LTA4H: variants seen among roughly 807,000 people sequenced by gnomAD.
LTA4H encodes the protein leukotriene A-4 hydrolase.
In LTA4H, 59 loss-of-function variants were observed where a neutral mutation model predicts 89.8. The observed-to-expected ratio is 0.66, with a 90% CI of 0.53 to 0.82. The LOEUF (loss-of-function observed/expected upper bound fraction) is 0.82. Ranked by LOEUF, LTA4H falls within the 40% of genes least tolerant of loss-of-function variation. The probability of loss-of-function intolerance (pLI) is 0.00; values close to 1 mark genes in which losing one functional copy is unlikely to be tolerated. For missense variants in LTA4H, 617 were observed against 727.0 expected (o/e 0.85, Z 1.74); for synonymous variants, 227 against 253.1 (o/e 0.90, Z 0.98).
intron 1 of LTA4H, among the ~76,000 whole-genome samples, chr12:96,032,388 T>G (rs1366459247): frequency 6.6e-6 from 1 of 152,198 alleles, no homozygotes; most frequent in Non-Finnish European, 1.5e-5. Context: ...GGCACTATTA[T>G]CAATGTAGCC....
At chr12:96,035,599 G>A (rs17525495), upstream of LTA4H, 137,310 of 1,484,296 alleles carry the variant, frequency 0.093, 8,502 homozygotes, top group East Asian at 0.29. Context: ...ACCTGAGGAG[G>A]AGGGAGAGAG....
chr12:96,034,052 G>A (rs1950606358), intron 1 of LTA4H, among the ~76,000 whole-genome samples: 1 of 152,186 alleles, frequency 6.6e-6, no homozygotes, highest in African/African-American at 2.4e-5. Context: ...GGGATGAAGA[G>A]TAAGAAAGTA....
intron 5 of LTA4H, among the ~76,000 whole-genome samples, chr12:96,021,765 G>GT (rs990450495): frequency 6.6e-6 from 1 of 152,042 alleles, no homozygotes; most frequent in African/African-American, 2.4e-5. Flanking sequence ...GACCAGGACT[G>GT]TAACTGAGTG....
At position 96,003,857 on chromosome 12, in the gene LTA4H, T is replaced by G. The variant is rs1295574907; in HGVS notation, c.1594A>C (p.Asn532His). Residue 532 changes from asparagine to histidine, a missense_variant, in exon 17 of 19, where the codon AAT becomes CAT. This residue lies in a region of LTA4H where 290 missense variants were observed against 339.1 expected (regional missense o/e 0.86). Coordinates refer to ENST00000228740, the MANE Select transcript of LTA4H (RefSeq NM_000895.3). ...ATGTACCTGAATCGTATTTCAGAAT[T>G]GTTAATGGCATTGAAGTTGTACACC... is the stretch of plus-strand genomic sequence containing the variant. ...QEVYNFNAINNSEIRFRWLRL... is the reference protein window; with the variant it reads ...QEVYNFNAINHSEIRFRWLRL... The G allele has an allele frequency of 6.8e-6, 11 of 1,609,542 alleles. No individual in the cohort carries two copies. The highest frequency in any genetic ancestry group is 9.3e-6 in the Non-Finnish European group (11 of 1,177,594).
rs1445913223 is a variant in LTA4H at position 96,024,539 on chromosome 12, G to A, written c.420C>T (p.His140=). ...PYLFSQCQAI[H]CRAILPCQDT... is the part of the protein sequence containing the mutation. ...CCTGACAAGGAAGGATTGCTCTGCA[G>A]TGGATGGCCTGAAAAAGGGAGAAAC... Residue 140 remains histidine, a synonymous_variant, in exon 4 of 19, where the codon CAC becomes CAT. Transcript: ENST00000228740. 1.9e-6 allele frequency: 3 copies of A among 1,609,212 alleles called. No homozygotes were observed. The highest frequency in any genetic ancestry group is 8.5e-7 in the Non-Finnish European group (1 of 1,175,814).
chr12:96,002,865 T>TA (rs1471984282), intron 18 of LTA4H, 95 bp downstream of exon 18: 14 of 796,494 alleles, frequency 1.8e-5, no homozygotes, highest in Non-Finnish European at 2.6e-5. Flanking sequence ...TTTAACAAAT[T>TA]AAAAAATATT....
chr12:96,024,346 A>T, intron 4 of LTA4H, 133 bp downstream of exon 4: 1 of 547,638 alleles, frequency 1.8e-6, no homozygotes, highest in Non-Finnish European at 3.2e-6. Context: ...CTCTTTGTTT[A>T]CATATTTCAG....
chr12:96,011,556 T>G (rs1300236993), intron 14 of LTA4H: 2 of 152,200 alleles, frequency 1.3e-5, no homozygotes, highest in Non-Finnish European at 2.9e-5. Flanking sequence ...ACCATTAAAA[T>G]TAATAGTTTC....
intron 8 of LTA4H, 77 bp downstream of exon 8, chr12:96,018,686 C>A: frequency 1.9e-6 from 2 of 1,030,534 alleles, no homozygotes; most frequent in Non-Finnish European, 1.3e-6. Context: ...CATATATATA[C>A]ATATTATTAG....
At chr12:96,002,827 T>C in intron 18 of LTA4H, 133 bp downstream of exon 18, 1 of 619,706 alleles carries the variant, frequency 1.6e-6, no homozygotes, top group East Asian at 2.8e-5. Flanking sequence ...TAAGTGTGAA[T>C]CCCTATTCCA....
chr12:96,008,294 C>G (rs1326116452), intron 15 of LTA4H, among the ~76,000 whole-genome samples: 5 of 152,134 alleles, frequency 3.3e-5, no homozygotes, highest in Non-Finnish European at 5.9e-5. Flanking sequence ...TTATCAAGGG[C>G]TCATCCTTAC....
chr12:96,037,847 A>G (rs1013526593), upstream of LTA4H, among the ~76,000 whole-genome samples: 2 of 151,754 alleles, frequency 1.3e-5, no homozygotes, highest in African/African-American at 4.8e-5. Flanking sequence ...ACCAAGACCG[A>G]CTAATTTTTT....
At chr12:96,019,661 G>C (rs1163492742) in intron 6 of LTA4H, among the ~76,000 whole-genome samples, 1 of 134,598 alleles carries the variant, frequency 7.4e-6, no homozygotes, top group Non-Finnish European at 1.5e-5. Flanking sequence ...GCACGATCTT[G>C]GCTCACTGCA....
chr12:96,021,224 G>A, intron 5 of LTA4H, 87 bp from the exon 6 acceptor site: 1 of 1,003,774 alleles, frequency 1.0e-6, no homozygotes, highest in Non-Finnish European at 1.4e-6. Flanking sequence ...TTAAAAGTAA[G>A]TAAATTCCCT....
chr12:96,001,621 A>C (rs1342425718), intron 18 of LTA4H, among the ~76,000 whole-genome samples: 1 of 152,180 alleles, frequency 6.6e-6, no homozygotes. Context: ...GAAAACACTA[A>C]AATTTATATA....
At position 96,029,294 on chromosome 12, in the gene LTA4H, G is replaced by A. The variant is rs183564955; in HGVS notation, c.160-109C>T. 69 of 533,670 alleles carry A rather than the reference G, an allele frequency of 1.3e-4. 2 individuals carry two copies. In the Admixed American group the frequency reaches 2.0e-3, roughly 16 times the overall value. 33.1% of individuals were successfully genotyped at this position (533,670 alleles called of 1,614,324 possible). The stretch of plus-strand genomic sequence containing the variant: ...TTGCTTATGGAGAGTAAAATACAGA[G>A]TGAAATTAGAAGAATTGAAGAGTCA... On this transcript the variant is annotated intron_variant, in intron 1 of 18. Coordinates refer to ENST00000228740, the MANE Select transcript of LTA4H (RefSeq NM_000895.3).
In LTA4H at chr12:96,000,921, A is replaced by T; in HGVS notation, c.*68T>A. Reference sequence around the variant, plus strand: ...AAAGACAGTTTTAATTGTGAGCTGAAGTTTTATATTTCTTTACGAATTCCA... The same window carrying T: ...AAAGACAGTTTTAATTGTGAGCTGATGTTTTATATTTCTTTACGAATTCCA... On this transcript the variant is annotated 3_prime_UTR_variant, in exon 19 of 19. Transcript: ENST00000228740. 1 of 1,112,800 alleles carries T rather than the reference A, an allele frequency of 9.0e-7. No homozygotes were observed. The highest frequency in any genetic ancestry group is 1.4e-6 in the Non-Finnish European group (1 of 733,170). The allele number at this position is 1,112,800 out of a possible 1,614,324, so 68.9% of individuals were successfully genotyped here.
intron 15 of LTA4H, among the ~76,000 whole-genome samples, chr12:96,006,675 T>C (rs540407811): frequency 6.6e-6 from 1 of 152,346 alleles, no homozygotes; most frequent in East Asian, 1.9e-4. Context: ...ACATTCATTG[T>C]ACCATTCGAG....
intron 7 of LTA4H, 36 bp downstream of exon 7, chr12:96,019,131 TA>T: frequency 6.4e-7 from 1 of 1,555,206 alleles, no homozygotes; most frequent in South Asian, 1.2e-5. Flanking sequence ...ATCTACTGTC[TA>T]TCACAATGAT....
Sources: allele counts gnomAD v4.1 joint callset (sites outside exome capture counted in the v4.1 genomes callset), GRCh38; gene constraint gnomAD v4.1.1; regional missense constraint gnomAD v4.1.1; transcripts MANE v1.5; gene names NCBI Gene and HGNC (gene_info 2026-07-23, HGNC 2026-07-21).